PCDHGB6: variants seen among roughly 807,000 people sequenced by gnomAD.
The protein encoded by PCDHGB6 is protocadherin gamma subfamily B, 6, also known as protocadherin gamma-B6.
PCDHGB6 carries 51 observed loss-of-function variants against 59.1 expected under a neutral mutation model. That is an observed-to-expected ratio of 0.86 (90% CI 0.69 to 1.09). The LOEUF is 1.09. PCDHGB6 is among the 50% of genes least tolerant of loss of function. The pLI, the probability that PCDHGB6 is intolerant of heterozygous loss-of-function variation, is 0.00. For missense variants in PCDHGB6, 1,148 were observed against 1,205.1 expected (o/e 0.95, Z 0.70); for synonymous variants, 466 against 495.1 (o/e 0.94, Z 0.78).
At chr5:141,454,721 A>G (rs2098797156) in intron 1 of PCDHGB6, among the ~76,000 whole-genome samples, 1 of 146,810 alleles carries the variant, frequency 6.8e-6, no homozygotes, top group South Asian at 2.2e-4. Flanking sequence ...ATTCCATATT[A>G]TATGTTATAG....
chr5:141,421,233 G>T (rs201076931), intron 1 of PCDHGB6: 2 of 1,592,240 alleles, frequency 1.3e-6, no homozygotes, highest in Non-Finnish European at 1.7e-6. Flanking sequence ...CTGCCATGGC[G>T]AATCGGCTAC....
intron 1 of PCDHGB6, chr5:141,478,613 G>T: frequency 6.4e-7 from 1 of 1,557,312 alleles, no homozygotes; most frequent in African/African-American, 1.4e-5. Flanking sequence ...ATTGAGGAAG[G>T]AATGGAGCTG....
rs139156138 is a variant in PCDHGB6 at position 141,472,179 on chromosome 5, T to C, written c.2419-22628T>C. 5.1e-4 allele frequency among the ~76,000 whole-genome samples: 77 copies of C among 152,246 alleles called. 4 individuals are homozygous for C. The East Asian group carries it at 0.014, about 27-fold the overall frequency. On this transcript the variant is annotated intron_variant, in intron 1 of 3. Coordinates refer to ENST00000520790, the MANE Select transcript of PCDHGB6 (RefSeq NM_018926.3). ...TAGCTACTAGGTGTAATATCCAGTATTGGAATTTGAATCTTTTTGACACTA... is the reference window on the plus strand; with the variant it reads ...TAGCTACTAGGTGTAATATCCAGTACTGGAATTTGAATCTTTTTGACACTA...
At chr5:141,417,302 G>A (rs1267397415) in intron 1 of PCDHGB6, 1 of 152,270 alleles carries the variant, frequency 6.6e-6, no homozygotes, top group Non-Finnish European at 1.5e-5. Context: ...GCCTCTGGAT[G>A]GAGGAATTGG....
At chr5:141,444,059 T>C (rs2098415588) in intron 1 of PCDHGB6, among the ~76,000 whole-genome samples, 1 of 150,620 alleles carries the variant, frequency 6.6e-6, no homozygotes, top group Admixed American at 6.6e-5. Flanking sequence ...ATCTTCAATC[T>C]AGATTCTGAT....
intron 1 of PCDHGB6, among the ~76,000 whole-genome samples, chr5:141,482,944 G>A (rs1362136222): frequency 6.6e-6 from 1 of 152,094 alleles, no homozygotes; most frequent in Non-Finnish European, 1.5e-5. Context: ...GTGGTTGTGG[G>A]TGCCTGTAAT....
intron 1 of PCDHGB6, among the ~76,000 whole-genome samples, chr5:141,443,202 C>T (rs546748238): frequency 2.6e-5 from 4 of 152,172 alleles, no homozygotes; most frequent in Non-Finnish European, 1.5e-5. Flanking sequence ...GTACAAAGAG[C>T]TTGTCTCGCC....
chr5:141,432,413 G>C lies in PCDHGB6; in HGVS notation c.2418+21793G>C, dbSNP rs369816901. 9 of 1,614,114 alleles carry C rather than the reference G, an allele frequency of 5.6e-6. No homozygotes were observed. The highest frequency in any genetic ancestry group is 1.3e-5 in the African/African-American group (1 of 74,946). ...CAGCAACGTGTCGTTGAGCCTGTTCGTGCTGGACCAGAACGACAATGCGCC... is the reference window on the plus strand; with the variant it reads ...CAGCAACGTGTCGTTGAGCCTGTTCCTGCTGGACCAGAACGACAATGCGCC... On this transcript the variant is annotated intron_variant, in intron 1 of 3. Coordinates refer to ENST00000520790, the MANE Select transcript of PCDHGB6 (RefSeq NM_018926.3). This position sits in a 1 kb window ranked among gnomAD's most constrained non-coding sequence, Gnocchi z 6.0.
At chr5:141,506,213 A>G (rs2154593866) in intron 3 of PCDHGB6, among the ~76,000 whole-genome samples, 1 of 152,204 alleles carries the variant, frequency 6.6e-6, no homozygotes, top group South Asian at 2.1e-4. Flanking sequence ...CACTTTGGGA[A>G]GCTGAGGCAG....
At chr5:141,447,623 C>G (rs940221130) in intron 1 of PCDHGB6, among the ~76,000 whole-genome samples, 1 of 152,042 alleles carries the variant, frequency 6.6e-6, no homozygotes, top group African/African-American at 2.4e-5. Flanking sequence ...AAAGTTGAAA[C>G]CAACAGTATG....
chr5:141,414,715 G>A, intron 1 of PCDHGB6: 1 of 1,614,128 alleles, frequency 6.2e-7, no homozygotes. Context: ...CATCAACTCA[G>A]ACACTGGCGT....
At chr5:141,416,553 ACT>A (rs932477065) in intron 1 of PCDHGB6, 2 of 152,100 alleles carry the variant, frequency 1.3e-5, no homozygotes, top group Non-Finnish European at 2.9e-5. Context: ...AACACCTGAA[ACT>A]CTGAAAACTC....
intron 1 of PCDHGB6, chr5:141,427,490 T>C (rs752745429): frequency 1.8e-6 from 1 of 551,082 alleles, no homozygotes; most frequent in Non-Finnish European, 3.5e-6. Flanking sequence ...ACTATAAGCT[T>C]GTAACAGATG....
intron 1 of PCDHGB6, chr5:141,416,864 G>C (rs2096066198): frequency 6.6e-6 from 1 of 151,862 alleles, no homozygotes; most frequent in Admixed American, 6.6e-5. Flanking sequence ...TTTCAGGTCA[G>C]TCAACATTTG....
Position 141,432,014 on chromosome 5 carries a change from AACATC to A in PCDHGB6, c.2418+21398_2418+21402del. ...GGATAGGGAACAGGTTCCTAGCTAC[AACATC>A]ACAGTGACCGCCACTGACCGGGGAA... On this transcript the variant is annotated intron_variant, in intron 1 of 3. Transcript: ENST00000520790. This position sits in a 1 kb window ranked among gnomAD's most constrained non-coding sequence, Gnocchi z 6.0. 6.2e-7 allele frequency: 1 copy of A among 1,614,078 alleles called. No individual in the cohort carries two copies. The highest frequency in any genetic ancestry group is 8.5e-7 in the Non-Finnish European group (1 of 1,180,036).
At chr5:141,417,050 C>T (rs1420453271) in intron 1 of PCDHGB6, 3 of 151,552 alleles carry the variant, frequency 2.0e-5, no homozygotes, top group Non-Finnish European at 4.4e-5. Flanking sequence ...AAAAAAACTG[C>T]TCTTGACATT....
At position 141,490,440 on chromosome 5, in the gene PCDHGB6, T is replaced by C. The variant is rs560525159; in HGVS notation, c.2419-4367T>C. On this transcript the variant is annotated intron_variant, in intron 1 of 3. Transcript: ENST00000520790. This position sits in a 1 kb window ranked among gnomAD's most constrained non-coding sequence, Gnocchi z 5.4. ...ACCTGCCATTTCAGATTAAGCCTTC[T>C]GAGAACCACTACTCGCTGCTAACCA... 7 of 1,614,206 alleles carry C rather than the reference T, an allele frequency of 4.3e-6. No homozygotes were observed. Among genetic ancestry groups the C allele is most frequent in the Non-Finnish European group, 5.9e-6 (7 of 1,180,040 alleles).
Position 141,490,121 on chromosome 5 carries a change from G to A in PCDHGB6, c.2419-4686G>A. On this transcript the variant is annotated intron_variant, in intron 1 of 3. Coordinates refer to ENST00000520790, the MANE Select transcript of PCDHGB6 (RefSeq NM_018926.3). The surrounding 1 kb of genome is among the most constrained non-coding windows in gnomAD (Gnocchi z 5.4). Reference sequence around the variant, plus strand: ...TCTGAGGCAGTGCGGAACCTCTTTGGCCTAGACCCTAGCAGTGGGGCAATC... The same window carrying A: ...TCTGAGGCAGTGCGGAACCTCTTTGACCTAGACCCTAGCAGTGGGGCAATC... 1 of 1,614,256 alleles carries A rather than the reference G, an allele frequency of 6.2e-7. No individual in the cohort carries two copies. Among genetic ancestry groups the A allele is most frequent in the Non-Finnish European group, 8.5e-7 (1 of 1,180,052 alleles).
intron 1 of PCDHGB6, among the ~76,000 whole-genome samples, chr5:141,424,888 G>C (rs2096846233): frequency 6.6e-6 from 1 of 152,178 alleles, no homozygotes; most frequent in Non-Finnish European, 1.5e-5. Context: ...GACTTATCTA[G>C]GGTTTTTGAT....
Sources: allele counts gnomAD v4.1 joint callset (sites outside exome capture counted in the v4.1 genomes callset), GRCh38; gene constraint gnomAD v4.1.1; non-coding constraint Gnocchi (gnomAD v3.1); transcripts MANE v1.5; gene names NCBI Gene and HGNC (gene_info 2026-07-23, HGNC 2026-07-21).